SLC24A2: variants seen among roughly 807,000 people sequenced by gnomAD.
SLC24A2 encodes sodium/potassium/calcium exchanger 2.
SLC24A2 carries 36 observed loss-of-function variants against 62.0 expected under a neutral mutation model. That is an observed-to-expected ratio of 0.58 (90% CI 0.44 to 0.77). The LOEUF (loss-of-function observed/expected upper bound fraction) is 0.77. Ranked by LOEUF, SLC24A2 falls within the 30% of genes least tolerant of loss-of-function variation. The pLI is 0.00. For missense variants in SLC24A2, 846 were observed against 817.9 expected, an observed-to-expected ratio of 1.03 and a Z score of -0.42; for synonymous variants, 358 against 294.0, an observed-to-expected ratio of 1.22 and a Z score of -2.23.
chr9:19,540,481 A>C (rs1834196817), intron 8 of SLC24A2, among the ~76,000 whole-genome samples: 2 of 151,342 alleles, frequency 1.3e-5, no homozygotes, highest in South Asian at 4.2e-4. Flanking sequence ...GTTTGCCTGG[A>C]TATGAAATTC....
At position 19,632,660 on chromosome 9, in the gene SLC24A2, A is replaced by C. The variant is rs1205335267; in HGVS notation, c.931-10361T>G. 6.6e-6 allele frequency among the ~76,000 whole-genome samples: 1 copy of C among 152,220 alleles called. No individual in the cohort carries two copies. Among genetic ancestry groups the C allele is most frequent in the African/African-American group, 2.4e-5 (1 of 41,462 alleles). On this transcript the variant is annotated intron_variant, in intron 2 of 10. Coordinates refer to ENST00000341998, the MANE Select transcript of SLC24A2 (RefSeq NM_020344.4). The surrounding 1 kb of genome is among the most constrained non-coding windows in gnomAD (Gnocchi z 4.5). ...ACTTCTTATTTGGAAATAATTATAG[A>C]TTCACAAATAGTTGCAAAAATATGT...
chr9:19,979,901 C>T, the SLC24A2 span, among the ~76,000 whole-genome samples: 1 of 152,144 alleles, frequency 6.6e-6, no homozygotes, highest in South Asian at 2.1e-4. Context: ...ATAAAGTTTC[C>T]CTCATGGGAA....
chr9:19,722,527 G>T (rs1451519490), intron 2 of SLC24A2, among the ~76,000 whole-genome samples: 1 of 151,884 alleles, frequency 6.6e-6, no homozygotes, highest in Non-Finnish European at 1.5e-5. Flanking sequence ...AAAAGTGCAG[G>T]ATAAGTCAAG....
At chr9:20,133,624 C>A in the SLC24A2 span, among the ~76,000 whole-genome samples, 1 of 152,140 alleles carries the variant, frequency 6.6e-6, no homozygotes, top group East Asian at 1.9e-4. Context: ...TTATTCTAAT[C>A]TATCTTCTGA....
rs1457982598 is a variant in SLC24A2 at position 19,786,823 on chromosome 9, C to A, written c.44G>T (p.Trp15Leu). The A allele has an allele frequency of 6.2e-7, 1 of 1,612,360 alleles. No homozygotes were observed. Among genetic ancestry groups the A allele is most frequent in the Non-Finnish European group, 8.5e-7 (1 of 1,179,600 alleles). ...QSTTITSLEK[W>L]CLDESLSGCR... ...GCCAGACAGTGACTCATCCAAACAC[C>A]ATTTCTCTAGGGAAGTGATGGTGGT... is the stretch of plus-strand genomic sequence containing the variant. The change falls in exon 2 of 11, where the codon TGG becomes TTG. Residue 15 changes from tryptophan to leucine, a missense_variant. Physicochemically the swap from Trp to Leu is moderately conservative, Grantham distance 61 (BLOSUM62 -2). Coordinates refer to ENST00000341998, the MANE Select transcript of SLC24A2 (RefSeq NM_020344.4). The surrounding 1 kb of genome is among the most constrained non-coding windows in gnomAD (Gnocchi z 5.0).
intron 9 of SLC24A2, among the ~76,000 whole-genome samples, chr9:19,525,969 A>G (rs1370034253): frequency 6.6e-6 from 1 of 152,100 alleles, no homozygotes; most frequent in East Asian, 1.9e-4. Flanking sequence ...CATCCCCAGA[A>G]GAAACCCATA....
At chr9:19,874,253 T>C in the SLC24A2 span, among the ~76,000 whole-genome samples, 1 of 151,552 alleles carries the variant, frequency 6.6e-6, no homozygotes, top group Non-Finnish European at 1.5e-5. Flanking sequence ...CTAATTTTTG[T>C]TTTTTTAGTA....
chr9:20,226,576 T>C, the SLC24A2 span, among the ~76,000 whole-genome samples: 139 of 152,248 alleles, frequency 9.1e-4, 1 homozygote, highest in South Asian at 7.0e-3. Flanking sequence ...CCTACTGCAA[T>C]TTCCTTTCTT....
intron 4 of SLC24A2, among the ~76,000 whole-genome samples, chr9:19,598,451 A>G (rs1836763274): frequency 1.3e-5 from 2 of 152,196 alleles, no homozygotes; most frequent in East Asian, 1.9e-4. Flanking sequence ...ACATTTTTTC[A>G]TGTGCCTAGA....
chr9:19,718,245 G>A (rs1351819238), intron 2 of SLC24A2, among the ~76,000 whole-genome samples: 2 of 144,008 alleles, frequency 1.4e-5, no homozygotes, highest in Non-Finnish European at 3.0e-5. Context: ...AAAGTGCTGG[G>A]ATTACAGGCT....
At chr9:19,556,690 G>C (rs1351173925) in intron 7 of SLC24A2, among the ~76,000 whole-genome samples, 1 of 152,136 alleles carries the variant, frequency 6.6e-6, no homozygotes, top group African/African-American at 2.4e-5. Flanking sequence ...TGGGAAGCCT[G>C]TTCAGTGTGG....
At chr9:20,019,151 AAGAAAGAG>A in the SLC24A2 span, among the ~76,000 whole-genome samples, 13 of 99,106 alleles carry the variant, frequency 1.3e-4, no homozygotes, top group African/African-American at 3.4e-4. Flanking sequence ...GAAAGAAAGA[AAGAAAGAG>A]AGAGAGACAG....
the SLC24A2 span, among the ~76,000 whole-genome samples, chr9:20,104,278 A>G: frequency 4.0e-4 from 61 of 152,344 alleles, no homozygotes; most frequent in African/African-American, 1.3e-3. Flanking sequence ...ACACTCTGCT[A>G]GATATTATCC....
the SLC24A2 span, among the ~76,000 whole-genome samples, chr9:20,300,672 G>A: frequency 0.3 from 45,212 of 151,880 alleles, 7,204 homozygotes; most frequent in South Asian, 0.57. Context: ...TTACAGAAAC[G>A]GCCCTGGTTT....
At chr9:19,595,109 A>C (rs1587009035) in intron 5 of SLC24A2, among the ~76,000 whole-genome samples, 2 of 152,228 alleles carry the variant, frequency 1.3e-5, no homozygotes, top group African/African-American at 4.8e-5. Flanking sequence ...AAGGTTCCAT[A>C]TCAGAAAGTC....
In SLC24A2 at chr9:19,787,078, G is replaced by T. The variant is rs553107241; in HGVS notation, c.-153-59C>A. ...CATAAAATCACGTCTTTTTAATAAA[G>T]ATCTTTGCAGATATGATAAAGTCCT... On this transcript the variant is annotated intron_variant, in intron 1 of 10. Transcript: ENST00000341998. 3.9e-6 allele frequency: 5 copies of T among 1,275,600 alleles called. No individual in the cohort carries two copies. In the South Asian group the frequency reaches 7.9e-5, roughly 20 times the overall value. The allele number at this position is 1,275,600 out of a possible 1,614,324, so 79.0% of individuals were successfully genotyped here.
intron 2 of SLC24A2, among the ~76,000 whole-genome samples, chr9:19,689,493 T>C (rs757920544): frequency 1.3e-5 from 2 of 152,142 alleles, no homozygotes; most frequent in Non-Finnish European, 2.9e-5. Flanking sequence ...GCTCAGAATA[T>C]TCATTTTCCT....
the SLC24A2 span, among the ~76,000 whole-genome samples, chr9:20,016,591 T>C: frequency 6.6e-6 from 1 of 152,376 alleles, no homozygotes; most frequent in Admixed American, 6.5e-5. Flanking sequence ...CTGTGAACTA[T>C]GTATGATTTA....
At chr9:19,623,135 A>G (rs944641163) in intron 2 of SLC24A2, among the ~76,000 whole-genome samples, 8 of 152,138 alleles carry the variant, frequency 5.3e-5, no homozygotes, top group Non-Finnish European at 7.3e-5. Flanking sequence ...CCTTAACTCA[A>G]TGGCAACTCT....
Sources: allele counts gnomAD v4.1 joint callset (sites outside exome capture counted in the v4.1 genomes callset), GRCh38; gene constraint gnomAD v4.1.1; non-coding constraint Gnocchi (gnomAD v3.1); transcripts MANE v1.5; gene names NCBI Gene and HGNC (gene_info 2026-07-23, HGNC 2026-07-21).